Variants in STK39 observed in about 807,000 individuals in gnomAD.
The protein encoded by STK39 is STE20/SPS1-related proline-alanine-rich protein kinase.
In STK39, 20 loss-of-function variants were observed where a neutral mutation model predicts 77.8. The ratio of observed to expected loss-of-function variants is 0.26; its 90% confidence interval spans 0.18 to 0.37. STK39 has a LOEUF of 0.37. Among genes scored for constraint, STK39 ranks in the 10% least tolerant of loss-of-function variants. STK39 has a pLI of 1.00. For missense variants in STK39, 479 were observed against 656.5 expected (o/e 0.73, Z 2.95); for synonymous variants, 246 against 234.1 (o/e 1.05, Z -0.47).
intron 1 of STK39, among the ~76,000 whole-genome samples, chr2:168,199,469 C>T (rs761628474): frequency 6.6e-6 from 1 of 152,108 alleles, no homozygotes; most frequent in Non-Finnish European, 1.5e-5. Flanking sequence ...TGAAGAAGTG[C>T]CACTTCAAGG....
At chr2:168,051,404 A>C (rs897752532) in intron 14 of STK39, among the ~76,000 whole-genome samples, 1 of 152,202 alleles carries the variant, frequency 6.6e-6, no homozygotes, top group African/African-American at 2.4e-5. Flanking sequence ...ACCAAAAAAA[A>C]GCTGTTTAAG....
intron 16 of STK39, among the ~76,000 whole-genome samples, chr2:167,973,780 T>C (rs952986039): frequency 1.3e-5 from 2 of 152,154 alleles, no homozygotes; most frequent in Non-Finnish European, 2.9e-5. Flanking sequence ...AGCTAAAGGT[T>C]TGAACAGTTA....
At chr2:168,060,292 C>T (rs1476197514) in intron 14 of STK39, among the ~76,000 whole-genome samples, 2 of 152,180 alleles carry the variant, frequency 1.3e-5, no homozygotes, top group African/African-American at 4.8e-5. Flanking sequence ...AATTCATATG[C>T]TGAAGCCCTA....
At chr2:168,152,781 G>A (rs1457236493) in intron 5 of STK39, among the ~76,000 whole-genome samples, 2 of 152,300 alleles carry the variant, frequency 1.3e-5, no homozygotes, top group African/African-American at 2.4e-5. Context: ...TAAAGTCAGC[G>A]AGGGCTCCTG....
intron 1 of STK39, among the ~76,000 whole-genome samples, chr2:168,221,796 C>T (rs775132491): frequency 6.6e-6 from 1 of 152,038 alleles, no homozygotes; most frequent in East Asian, 1.9e-4. Flanking sequence ...CTGGCACTCA[C>T]CGGGGCGCAA....
intron 14 of STK39, among the ~76,000 whole-genome samples, chr2:168,051,864 T>C (rs985801040): frequency 1.3e-5 from 2 of 152,068 alleles, no homozygotes; most frequent in Non-Finnish European, 2.9e-5. Flanking sequence ...AGAGCTCCCC[T>C]GAAAATGCCC....
intron 10 of STK39, among the ~76,000 whole-genome samples, chr2:168,111,136 C>G (rs760555690): frequency 7.2e-5 from 11 of 152,048 alleles, no homozygotes; most frequent in Non-Finnish European, 1.5e-4. Context: ...ATTTGGCATA[C>G]AGTAATTCAT....
intron 12 of STK39, among the ~76,000 whole-genome samples, chr2:168,073,230 A>G (rs1477463338): frequency 6.6e-6 from 1 of 152,220 alleles, no homozygotes; most frequent in Non-Finnish European, 1.5e-5. Context: ...CTATCAGAGC[A>G]ATTTCAACAA....
At chr2:168,161,376 A>G (rs3769387) in intron 5 of STK39, among the ~76,000 whole-genome samples, 14,465 of 152,242 alleles carry the variant, frequency 0.095, 1,322 homozygotes, top group East Asian at 0.31. Flanking sequence ...CAGATTTTTA[A>G]TGTTCACAAT....
chr2:168,154,671 T>A (rs1272881311), intron 5 of STK39, among the ~76,000 whole-genome samples: 2 of 150,456 alleles, frequency 1.3e-5, no homozygotes, highest in African/African-American at 2.5e-5. Flanking sequence ...ACACATTTTT[T>A]AAATTTATAT....
chr2:168,220,790 G>A (rs1690149390), intron 1 of STK39, among the ~76,000 whole-genome samples: 1 of 152,174 alleles, frequency 6.6e-6, no homozygotes, highest in Admixed American at 6.5e-5. Context: ...TTGAACATGT[G>A]TCCGACTGAG....
At chr2:167,983,217 T>C (rs1683467933) in intron 16 of STK39, among the ~76,000 whole-genome samples, 2 of 151,994 alleles carry the variant, frequency 1.3e-5, no homozygotes, top group South Asian at 4.1e-4. Flanking sequence ...CGGTGGTTCG[T>C]GACTGTAATC....
chr2:167,989,208 C>T (rs547763815), intron 16 of STK39, among the ~76,000 whole-genome samples: 2 of 152,226 alleles, frequency 1.3e-5, no homozygotes, highest in East Asian at 3.9e-4. Context: ...AGCAATAATG[C>T]TAGTCATTCC....
chr2:168,166,114 T>C (rs527934598), intron 3 of STK39, among the ~76,000 whole-genome samples: 1 of 152,270 alleles, frequency 6.6e-6, no homozygotes, highest in Admixed American at 6.5e-5. Flanking sequence ...AGTCACAAAT[T>C]CCAGCACCAA....
At chr2:168,189,365 G>A (rs570495146) in intron 1 of STK39, among the ~76,000 whole-genome samples, 3 of 151,316 alleles carry the variant, frequency 2.0e-5, no homozygotes, top group Admixed American at 2.0e-4. Context: ...CAGAACAAAT[G>A]TAAATAAACT....
At chr2:168,050,092 A>G (rs1219192674) in intron 14 of STK39, among the ~76,000 whole-genome samples, 1 of 152,232 alleles carries the variant, frequency 6.6e-6, no homozygotes, top group African/African-American at 2.4e-5. Flanking sequence ...GAAGAAAATA[A>G]GCTTCACACA....
intron 16 of STK39, among the ~76,000 whole-genome samples, chr2:167,988,504 A>C (rs1026947740): frequency 9.9e-5 from 15 of 152,134 alleles, no homozygotes; most frequent in African/African-American, 3.1e-4. Context: ...CTCAACACTC[A>C]AGAATTTGAC....
At chr2:168,180,148 A>C (rs1232925609) in intron 2 of STK39, among the ~76,000 whole-genome samples, 1 of 152,180 alleles carries the variant, frequency 6.6e-6, no homozygotes, top group Non-Finnish European at 1.5e-5. Context: ...GGGGTTCGAG[A>C]CCAGCCTGGC....
At chr2:167,961,022 C>T (rs556115472) in intron 17 of STK39, among the ~76,000 whole-genome samples, 14 of 152,154 alleles carry the variant, frequency 9.2e-5, no homozygotes, top group Non-Finnish European at 1.9e-4. Flanking sequence ...AGTCTGGGGG[C>T]CACATGTGGA....
Sources: gnomAD v4.1 joint callset for allele counts (sites outside exome capture counted in the v4.1 genomes callset) on GRCh38, gnomAD v4.1.1 for gene constraint, MANE v1.5 for transcripts, NCBI Gene and HGNC (gene_info 2026-07-23, HGNC 2026-07-21) for gene names.